YWHAE: variants seen among roughly 807,000 people sequenced by gnomAD.
YWHAE encodes 14-3-3 protein epsilon.
In YWHAE, 4 loss-of-function variants were observed where a neutral mutation model predicts 30.1. That is an observed-to-expected ratio of 0.13 (90% CI 0.07 to 0.30). The LOEUF is 0.30. Among genes scored for constraint, YWHAE ranks in the 10% least tolerant of loss-of-function variants. YWHAE has a pLI of 1.00. For synonymous variants in YWHAE, 118 were observed against 111.8 expected, an observed-to-expected ratio of 1.06 and a Z score of -0.35; for missense variants, 121 against 315.9, an observed-to-expected ratio of 0.38 and a Z score of 4.68.
chr17:1,390,949 G>T (rs553731661), intron 1 of YWHAE, among the ~76,000 whole-genome samples: 3 of 152,184 alleles, frequency 2.0e-5, no homozygotes, highest in Admixed American at 2.0e-4. Context: ...GTTGTAACAA[G>T]ATATGGGTGA....
chr17:1,347,197 G>A (rs1365700337), intron 5 of YWHAE, among the ~76,000 whole-genome samples: 2 of 150,940 alleles, frequency 1.3e-5, no homozygotes, highest in Non-Finnish European at 2.9e-5. Context: ...AAATTAGCCA[G>A]GCATGGTGGC....
intron 1 of YWHAE, among the ~76,000 whole-genome samples, chr17:1,373,585 G>A (rs1009334502): frequency 6.6e-6 from 1 of 151,554 alleles, no homozygotes; most frequent in Admixed American, 6.6e-5. Flanking sequence ...GGAGAATTGC[G>A]TGAACCCGGG....
chr17:1,354,143 T>C (rs1239879208), intron 5 of YWHAE, 68 bp downstream of exon 5: 14 of 1,548,240 alleles, frequency 9.0e-6, no homozygotes, highest in Admixed American at 2.0e-5. Context: ...AGCCAAGGAA[T>C]GTCTAAAGAG....
chr17:1,353,866 A>C (rs1265545333), intron 5 of YWHAE, among the ~76,000 whole-genome samples: 2 of 152,194 alleles, frequency 1.3e-5, no homozygotes, highest in Non-Finnish European at 2.9e-5. Context: ...ATTTCAACAA[A>C]GAGAAAAACT....
chr17:1,395,745 T>TA (rs1312539439), intron 1 of YWHAE, among the ~76,000 whole-genome samples: 1 of 152,242 alleles, frequency 6.6e-6, no homozygotes, highest in Non-Finnish European at 1.5e-5. Context: ...AGTAAAAAGT[T>TA]CATTCCACAC....
intron 1 of YWHAE, among the ~76,000 whole-genome samples, chr17:1,375,659 T>A (rs1487527802): frequency 1.3e-5 from 2 of 152,206 alleles, no homozygotes; most frequent in Admixed American, 6.6e-5. Context: ...ACAAGTTAAT[T>A]AAACATAGTT....
intron 1 of YWHAE, among the ~76,000 whole-genome samples, chr17:1,368,318 C>T (rs1395078461): frequency 6.6e-6 from 1 of 151,764 alleles, no homozygotes; most frequent in Non-Finnish European, 1.5e-5. Context: ...GGAGGTTGCA[C>T]TGAGTGGAGA....
chr17:1,391,553 C>T (rs1386132911), intron 1 of YWHAE, among the ~76,000 whole-genome samples: 1 of 152,104 alleles, frequency 6.6e-6, no homozygotes, highest in Non-Finnish European at 1.5e-5. Flanking sequence ...TTATTATTTG[C>T]TACAATTTAA....
intron 3 of YWHAE, 68 bp downstream of exon 3, chr17:1,361,834 G>T: frequency 4.8e-6 from 5 of 1,049,716 alleles, no homozygotes; most frequent in South Asian, 1.7e-5. Context: ...AACCTACATA[G>T]AACAAAGTTA....
chr17:1,369,697 G>T (rs1348385740), intron 1 of YWHAE: 1 of 152,012 alleles, frequency 6.6e-6, no homozygotes, highest in Non-Finnish European at 1.5e-5. Flanking sequence ...CACATTTCAG[G>T]TGCGGGCATA....
chr17:1,384,747 T>C (rs1361543418), intron 1 of YWHAE, among the ~76,000 whole-genome samples: 6 of 151,890 alleles, frequency 4.0e-5, no homozygotes, highest in Non-Finnish European at 7.4e-5. Flanking sequence ...CTCTTGTTGC[T>C]CAGGCTGGAG....
intron 1 of YWHAE, among the ~76,000 whole-genome samples, chr17:1,376,721 A>G (rs1567974801): frequency 1.3e-5 from 2 of 152,222 alleles, no homozygotes; most frequent in Non-Finnish European, 1.5e-5. Context: ...AGTTTCTGAT[A>G]AACACAAAGT....
chr17:1,347,581 G>C (rs984834764), intron 5 of YWHAE, among the ~76,000 whole-genome samples: 3 of 152,120 alleles, frequency 2.0e-5, no homozygotes, highest in East Asian at 3.9e-4. Context: ...AAATTGCTTA[G>C]GGATGAAAGA....
intron 1 of YWHAE, among the ~76,000 whole-genome samples, chr17:1,368,563 CAAAAAAAAA>C (rs11285222): frequency 1.5e-4 from 15 of 102,434 alleles, no homozygotes; most frequent in Non-Finnish European, 2.5e-4. Flanking sequence ...GACTCTGTCT[CAAAAAAAAA>C]AAAAAAAAAG....
chr17:1,384,350 G>A (rs1404555323), intron 1 of YWHAE, among the ~76,000 whole-genome samples: 1 of 151,844 alleles, frequency 6.6e-6, no homozygotes, highest in South Asian at 2.1e-4. Flanking sequence ...CACCAGCTTG[G>A]GCAAGAGTGA....
intron 5 of YWHAE, among the ~76,000 whole-genome samples, chr17:1,352,494 A>G (rs1029626913): frequency 6.6e-6 from 1 of 151,810 alleles, no homozygotes; most frequent in African/African-American, 2.4e-5. Flanking sequence ...GCAACGCGAC[A>G]TATGTTTTAT....
intron 1 of YWHAE, among the ~76,000 whole-genome samples, chr17:1,389,164 C>A (rs1398110246): frequency 6.6e-6 from 1 of 152,194 alleles, no homozygotes; most frequent in Non-Finnish European, 1.5e-5. Context: ...CAGGGTCTCA[C>A]TATGTTGCCC....
intron 1 of YWHAE, among the ~76,000 whole-genome samples, chr17:1,389,168 G>A (rs1040171062): frequency 6.6e-6 from 1 of 152,140 alleles, no homozygotes; most frequent in African/African-American, 2.4e-5. Flanking sequence ...GTCTCACTAT[G>A]TTGCCCAGGC....
chr17:1,374,060 A>G (rs1382577240), intron 1 of YWHAE, among the ~76,000 whole-genome samples: 2 of 152,122 alleles, frequency 1.3e-5, no homozygotes, highest in African/African-American at 4.8e-5. Flanking sequence ...GCTCACGCCT[A>G]CAATCCCAGC....
Sources: allele counts gnomAD v4.1 joint callset (sites outside exome capture counted in the v4.1 genomes callset), GRCh38; gene constraint gnomAD v4.1.1; transcripts MANE v1.5; gene names NCBI Gene and HGNC (gene_info 2026-07-23, HGNC 2026-07-21).